Variants in GRIP1 observed in about 807,000 individuals in gnomAD.
GRIP1 encodes the protein glutamate receptor-interacting protein 1.
A neutral mutation model predicts 129.9 loss-of-function variants in GRIP1; 45 were observed. The ratio of observed to expected loss-of-function variants is 0.35; its 90% CI spans 0.27 to 0.44. The LOEUF (loss-of-function observed/expected upper bound fraction) is 0.44, where lower values mean the gene tolerates loss of function less well. GRIP1 is among the 20% of genes least tolerant of loss of function. The pLI is 1.00. For synonymous variants in GRIP1, 530 were observed against 520.8 expected (o/e 1.02, Z -0.24); for missense variants, 1,196 against 1,396.8 (o/e 0.86, Z 2.29).
intron 1 of GRIP1, among the ~76,000 whole-genome samples, chr12:66,930,601 C>T (rs183096733): frequency 6.6e-5 from 10 of 152,268 alleles, no homozygotes; most frequent in African/African-American, 2.4e-4. Context: ...GAGACTCTCC[C>T]CTCACTAGTC....
At position 66,347,717 on chromosome 12, in the gene GRIP1, G is replaced by GTGAT. The variant is rs1555169163; in HGVS notation, c.*1298_*1301dup. The GTGAT allele has an allele frequency of 7.9e-5, 12 of 151,500 alleles. No homozygotes were observed. The highest frequency in any genetic ancestry group is 1.7e-4 in the African/African-American group (7 of 41,204). The allele number at this position is 151,500 out of a possible 1,614,324, so 9.4% of individuals were successfully genotyped here. ...TTTCTTGCCCTGGCGGTTCTGAAAT[G>GTGAT]TGATTGAAATAATATTTTTTTTGCA... On this transcript the variant is annotated 3_prime_UTR_variant, in exon 25 of 25. Coordinates refer to ENST00000359742, the MANE Select transcript of GRIP1 (RefSeq NM_001366722.1).
chr12:66,902,552 G>C (rs2040860368), intron 1 of GRIP1, among the ~76,000 whole-genome samples: 1 of 152,178 alleles, frequency 6.6e-6, no homozygotes, highest in African/African-American at 2.4e-5. Flanking sequence ...AGGACTAGAA[G>C]ACAACTCGTG....
At chr12:66,461,518 G>A (rs1387133409) in intron 9 of GRIP1, among the ~76,000 whole-genome samples, 3 of 152,170 alleles carry the variant, frequency 2.0e-5, no homozygotes, top group African/African-American at 7.2e-5. Context: ...TCCTACAGCT[G>A]TTTGCATTGC....
intron 1 of GRIP1, among the ~76,000 whole-genome samples, chr12:66,815,027 C>T (rs190665365): frequency 8.1e-4 from 124 of 152,222 alleles, no homozygotes; most frequent in Admixed American, 1.6e-3. Context: ...GATTACAATT[C>T]GAGATGAGAT....
intron 1 of GRIP1, chr12:67,069,005 G>A (rs2043688171): frequency 1.1e-6 from 1 of 898,114 alleles, no homozygotes; most frequent in Non-Finnish European, 1.3e-6. Flanking sequence ...GGCGGCCCCG[G>A]CCCGGACCCC....
chr12:66,949,613 T>C (rs1020531236), intron 1 of GRIP1, among the ~76,000 whole-genome samples: 5 of 152,182 alleles, frequency 3.3e-5, no homozygotes, highest in Non-Finnish European at 7.3e-5. Context: ...TGATGACAAA[T>C]TGTCTTATTT....
At chr12:66,534,119 G>C (rs61928465) in intron 4 of GRIP1, among the ~76,000 whole-genome samples, 26,225 of 152,108 alleles carry the variant, frequency 0.17, 2,714 homozygotes, top group African/African-American at 0.3. Context: ...TCAAGTATCC[G>C]ATTACTTTCT....
chr12:66,963,971 T>C (rs942192706), intron 1 of GRIP1, among the ~76,000 whole-genome samples: 28 of 152,150 alleles, frequency 1.8e-4, no homozygotes, highest in Non-Finnish European at 2.9e-4. Context: ...GGAGTGACCA[T>C]TCTCCTTTAA....
chr12:66,364,652 A>C lies in GRIP1; in HGVS notation c.3012+7042T>G, dbSNP rs75663926. Among the ~76,000 whole-genome samples the C allele has an allele frequency of 4.4e-3, 674 of 152,288 alleles. 4 individuals carry two copies. The highest frequency in any genetic ancestry group is 0.015 in the African/African-American group (644 of 41,564). On this transcript the variant is annotated intron_variant, in intron 23 of 24. Transcript: ENST00000359742. Reference sequence around the variant, plus strand: ...GACTCCTCCCTACCTATACTCTATAATTATTTTATCTTATGTAAAAATGCA... The same window carrying C: ...GACTCCTCCCTACCTATACTCTATACTTATTTTATCTTATGTAAAAATGCA...
chr12:66,806,516 C>T (rs1226483634), upstream of GRIP1, among the ~76,000 whole-genome samples: 1 of 152,006 alleles, frequency 6.6e-6, no homozygotes, highest in Non-Finnish European at 1.5e-5. Flanking sequence ...TAGTAGAGTC[C>T]ATATTAAGTT....
chr12:66,360,975 C>T (rs1179962365), intron 23 of GRIP1, among the ~76,000 whole-genome samples: 1 of 152,208 alleles, frequency 6.6e-6, no homozygotes. Flanking sequence ...TCCCATAAAT[C>T]ACCAGGCATT....
intron 1 of GRIP1, among the ~76,000 whole-genome samples, chr12:66,695,444 G>A (rs561460011): frequency 6.6e-6 from 1 of 152,284 alleles, no homozygotes; most frequent in Non-Finnish European, 1.5e-5. Flanking sequence ...GAGAGGAGGA[G>A]ATCCTGTGAC....
At chr12:66,632,112 T>A (rs572524176) in intron 1 of GRIP1, among the ~76,000 whole-genome samples, 6 of 152,282 alleles carry the variant, frequency 3.9e-5, no homozygotes, top group Non-Finnish European at 8.8e-5. Flanking sequence ...ACTTGCATTA[T>A]CAGCAAGTCA....
intron 7 of GRIP1, among the ~76,000 whole-genome samples, chr12:66,509,173 A>G (rs896705824): frequency 3.3e-5 from 5 of 152,232 alleles, no homozygotes; most frequent in Admixed American, 6.5e-5. Context: ...CAACAATTCA[A>G]TGTTGTCACA....
intron 13 of GRIP1, among the ~76,000 whole-genome samples, chr12:66,435,946 T>G (rs10784534): frequency 0.47 from 71,428 of 152,122 alleles, 20,418 homozygotes; most frequent in Non-Finnish European, 0.63. Flanking sequence ...TTTATATAAT[T>G]ATTTGGCTGC....
At chr12:66,737,027 G>A (rs989072552) in intron 1 of GRIP1, among the ~76,000 whole-genome samples, 7 of 151,740 alleles carry the variant, frequency 4.6e-5, no homozygotes, top group East Asian at 3.9e-4. Context: ...GCTGCGAAGC[G>A]GCAAAAAATA....
intron 1 of GRIP1, among the ~76,000 whole-genome samples, chr12:66,748,555 C>T (rs2037025370): frequency 1.3e-5 from 2 of 152,178 alleles, no homozygotes; most frequent in South Asian, 4.1e-4. Flanking sequence ...TCCAACTAAC[C>T]CCAAGCTGTA....
At chr12:66,978,321 ACAT>A (rs2042187030) in intron 1 of GRIP1, among the ~76,000 whole-genome samples, 1 of 152,200 alleles carries the variant, frequency 6.6e-6, no homozygotes, top group African/African-American at 2.4e-5. Context: ...CTATTCCCTA[ACAT>A]TTTTGAAACT....
chr12:66,914,517 T>A (rs1172545571), intron 1 of GRIP1, among the ~76,000 whole-genome samples: 1 of 152,220 alleles, frequency 6.6e-6, no homozygotes, highest in Non-Finnish European at 1.5e-5. Flanking sequence ...ATGACTACAG[T>A]GGATTAGCCA....
Sources: allele counts gnomAD v4.1 joint callset (sites outside exome capture counted in the v4.1 genomes callset), GRCh38; gene constraint gnomAD v4.1.1; transcripts MANE v1.5; gene names NCBI Gene and HGNC (gene_info 2026-07-23, HGNC 2026-07-21).